The following SSU72 variants were observed in gnomAD, a reference collection of about 807,000 sequenced individuals.
SSU72 encodes the protein SSU72 homolog, RNA polymerase II CTD phosphatase, also known as RNA polymerase II subunit A C-terminal domain phosphatase SSU72.
Under a neutral mutation model 22.7 loss-of-function variants are expected in SSU72, and 12 were observed. That is an observed-to-expected ratio of 0.53 (90% CI 0.34 to 0.86). The LOEUF is 0.86. Among genes scored for constraint, SSU72 ranks in the 40% least tolerant of loss-of-function variants. The probability of loss-of-function intolerance (pLI) is 0.02; values close to 1 mark genes in which losing one functional copy is unlikely to be tolerated. For missense variants in SSU72, 151 were observed against 249.8 expected, an observed-to-expected ratio of 0.60 and a Z score of 2.67; for synonymous variants, 116 against 98.3, an observed-to-expected ratio of 1.18 and a Z score of -1.06.
chr1:1,555,562 C>CA (rs1366583824), intron 2 of SSU72, among the ~76,000 whole-genome samples: 3 of 152,234 alleles, frequency 2.0e-5, no homozygotes, highest in Non-Finnish European at 1.5e-5. Flanking sequence ...GCTCCGTACT[C>CA]AGAAGGGCAC....
At chr1:1,565,738 G>GGA (rs1311755433) in intron 1 of SSU72, among the ~76,000 whole-genome samples, 20 of 152,022 alleles carry the variant, frequency 1.3e-4, no homozygotes, top group East Asian at 5.8e-4. Flanking sequence ...TTGTTCCTTG[G>GGA]ACTTCCTAGT....
chr1:1,572,322 G>A (rs1473655967), intron 1 of SSU72, among the ~76,000 whole-genome samples: 3 of 143,762 alleles, frequency 2.1e-5, no homozygotes, highest in Non-Finnish European at 4.6e-5. Flanking sequence ...CAGCTACTCA[G>A]GAGGCTGAGG....
intron 2 of SSU72, among the ~76,000 whole-genome samples, chr1:1,560,009 G>A (rs1024049358): frequency 2.0e-5 from 3 of 152,122 alleles, no homozygotes; most frequent in African/African-American, 7.2e-5. Flanking sequence ...ACAGGCATGT[G>A]CCACCATGCC....
chr1:1,565,393 C>T (rs1345568598), intron 1 of SSU72, among the ~76,000 whole-genome samples: 1 of 152,200 alleles, frequency 6.6e-6, no homozygotes, highest in Non-Finnish European at 1.5e-5. Context: ...CAAACCAGAA[C>T]TGACCATCAC....
intron 2 of SSU72, among the ~76,000 whole-genome samples, chr1:1,550,001 C>T (rs1642437266): frequency 6.7e-6 from 1 of 149,356 alleles, no homozygotes; most frequent in Non-Finnish European, 1.5e-5. Context: ...ATGGCAAAAC[C>T]CCGTCTTCTC....
chr1:1,544,029 C>T (rs771674916), intron 3 of SSU72, 42 bp from the exon 4 acceptor site: 1 of 1,505,280 alleles, frequency 6.6e-7, no homozygotes, highest in Admixed American at 1.7e-5. Flanking sequence ...GGCTCCAAAA[C>T]CAGGGAACAG....
chr1:1,546,305 G>T (rs1327965258), intron 2 of SSU72: 1 of 152,184 alleles, frequency 6.6e-6, no homozygotes, highest in Admixed American at 6.5e-5. Context: ...TTGATCTAAC[G>T]GCATCTGACC....
At chr1:1,553,619 C>CA (rs59261076) in intron 2 of SSU72, among the ~76,000 whole-genome samples, 6,604 of 100,294 alleles carry the variant, frequency 0.066, 274 homozygotes, top group Admixed American at 0.18. Flanking sequence ...ACTAAAAATA[C>CA]AAAAAAAAAA....
At chr1:1,556,067 G>C (rs1002386942) in intron 2 of SSU72, among the ~76,000 whole-genome samples, 1 of 152,078 alleles carries the variant, frequency 6.6e-6, no homozygotes, top group African/African-American at 2.4e-5. Context: ...AGGCCAATGC[G>C]GGTGGATCAC....
At chr1:1,571,487 A>C (rs1390469334) in intron 1 of SSU72, among the ~76,000 whole-genome samples, 19 of 151,524 alleles carry the variant, frequency 1.3e-4, no homozygotes, top group Admixed American at 1.3e-3. Context: ...ACTTCATGAT[A>C]TCCATATTCA....
intron 1 of SSU72, among the ~76,000 whole-genome samples, chr1:1,566,816 T>C (rs986038702): frequency 6.6e-6 from 1 of 150,990 alleles, no homozygotes; most frequent in Non-Finnish European, 1.5e-5. Context: ...ATCGCGCCAC[T>C]GCACTCCAGC....
intron 3 of SSU72, chr1:1,544,542 C>T (rs964829198): frequency 6.4e-5 from 23 of 361,922 alleles, no homozygotes; most frequent in East Asian, 3.2e-4. Flanking sequence ...CACTTGAACC[C>T]GGGAGGCAGA....
chr1:1,559,743 T>C (rs1642564340), intron 2 of SSU72, among the ~76,000 whole-genome samples: 1 of 101,818 alleles, frequency 9.8e-6, no homozygotes. Context: ...TATTTTATTT[T>C]TGGAGACAGT....
rs549773520 is a variant in SSU72, at chr1:1,552,564, C to A, written c.225-7562G>T. On this transcript the variant is annotated intron_variant, in intron 2 of 4. Coordinates refer to ENST00000291386, the MANE Select transcript of SSU72 (RefSeq NM_014188.3). ...CCAGCTCAGAGCCTGAGCTCCAGGG[C>A]AGGGCCATCTGCCTGCAAGTGACTG... Among the ~76,000 whole-genome samples, 44 of 152,380 alleles carry A rather than the reference C, an allele frequency of 2.9e-4. No individual in the cohort carries two copies. The South Asian group carries it at 6.0e-3, about 21-fold the overall frequency.
At chr1:1,549,301 C>T (rs1019926557) in intron 2 of SSU72, among the ~76,000 whole-genome samples, 1 of 151,600 alleles carries the variant, frequency 6.6e-6, no homozygotes, top group Non-Finnish European at 1.5e-5. Flanking sequence ...GCAGGTGGAT[C>T]ACAAGATCAG....
At chr1:1,573,833 G>A (rs547605606) in intron 1 of SSU72, among the ~76,000 whole-genome samples, 171 of 152,186 alleles carry the variant, frequency 1.1e-3, no homozygotes, top group Admixed American at 2.6e-3. Context: ...CAGTTTCTCA[G>A]TTTGCTATGT....
At chr1:1,572,061 C>T (rs1378969890) in intron 1 of SSU72, among the ~76,000 whole-genome samples, 1 of 150,422 alleles carries the variant, frequency 6.6e-6, no homozygotes, top group Non-Finnish European at 1.5e-5. Flanking sequence ...TCCCAAAGTG[C>T]TGGGATTACA....
intron 2 of SSU72, among the ~76,000 whole-genome samples, chr1:1,556,828 G>A (rs757654140): frequency 5.9e-5 from 9 of 152,180 alleles, no homozygotes; most frequent in Non-Finnish European, 1.2e-4. Flanking sequence ...CCCTGACCCT[G>A]GGCTACCTCT....
In SSU72 at chr1:1,543,000, C is replaced by T. The variant is rs76756659; in HGVS notation, c.484-833G>A. Among the ~76,000 whole-genome samples, 1,874 of 152,370 alleles carry T rather than the reference C, an allele frequency of 0.012. 40 individuals carry two copies. Among genetic ancestry groups the T allele is most frequent in the African/African-American group, 0.042 (1,761 of 41,584 alleles). On this transcript the variant is annotated intron_variant, in intron 4 of 4. Transcript: ENST00000291386. The surrounding 1 kb of genome is among the most constrained non-coding windows in gnomAD (Gnocchi z 4.4). ...GCTTTCCAAACACACCATCTTCTTT[C>T]TTGGTGAAGCTGTTCTGTTTTTCTG...
Sources: gnomAD v4.1 joint callset for allele counts (sites outside exome capture counted in the v4.1 genomes callset) on GRCh38, gnomAD v4.1.1 for gene constraint, Gnocchi (gnomAD v3.1) non-coding constraint, MANE v1.5 for transcripts, NCBI Gene and HGNC (gene_info 2026-07-23, HGNC 2026-07-21) for gene names.